SHANK2: variants seen among roughly 807,000 people sequenced by gnomAD.
SHANK2 encodes the protein SH3 and multiple ankyrin repeat domains 2.
Under a neutral mutation model 133.7 loss-of-function variants are expected in SHANK2, and 43 were observed. The ratio of observed to expected loss-of-function variants is 0.32; its 90% CI spans 0.25 to 0.41. SHANK2 has a LOEUF of 0.41. Among genes scored for constraint, SHANK2 ranks in the 10% least tolerant of loss-of-function variants. SHANK2 has a pLI of 1.00. For synonymous variants in SHANK2, 1,017 were observed against 952.8 expected, an observed-to-expected ratio of 1.07 and a Z score of -1.24; for missense variants, 1,994 against 2,235.8, an observed-to-expected ratio of 0.89 and a Z score of 2.18.
intron 17 of SHANK2, among the ~76,000 whole-genome samples, chr11:70,518,082 G>C (rs1043291354): frequency 6.6e-6 from 1 of 152,180 alleles, no homozygotes; most frequent in Admixed American, 6.5e-5. Context: ...GAAGCCCAAT[G>C]TTACATGACA....
At position 71,118,870 on chromosome 11, in the gene SHANK2, C is replaced by G; in HGVS notation, c.370G>C (p.Glu124Gln). 6.4e-7 allele frequency: 1 copy of G among 1,551,628 alleles called. No homozygotes were observed. Among genetic ancestry groups the G allele is most frequent in the Non-Finnish European group, 8.7e-7 (1 of 1,146,938 alleles). ...KFLDEERLLREYPQPVGEGVP... is the reference protein window; with the variant it reads ...KFLDEERLLRQYPQPVGEGVP... ...CCCTCACCCACGGGCTGTGGGTACTCGCGCAGGAGCCGCTCCTCATCCAGG... is the reference window on the plus strand; with the variant it reads ...CCCTCACCCACGGGCTGTGGGTACTGGCGCAGGAGCCGCTCCTCATCCAGG... The change falls in exon 4 of 26, where the codon GAG becomes CAG. Residue 124 changes from glutamate (E) to glutamine (Q), a missense_variant. Physicochemically the swap from Glu to Gln is conservative, Grantham distance 29. Around this residue, in one of 5 missense-constraint regions of SHANK2, gnomAD observed 653 missense variants for 563.4 expected, o/e 1.16. Transcript: ENST00000601538.
intron 2 of SHANK2, among the ~76,000 whole-genome samples, chr11:71,156,854 G>C (rs1434914904): frequency 3.3e-5 from 5 of 152,194 alleles, no homozygotes; most frequent in African/African-American, 1.2e-4. Flanking sequence ...AACAGGAAGA[G>C]AAGCTATGGT....
chr11:70,741,548 C>T (rs1555034778), intron 14 of SHANK2, among the ~76,000 whole-genome samples: 1 of 152,166 alleles, frequency 6.6e-6, no homozygotes, highest in African/African-American at 2.4e-5. Context: ...CAGGTACCTT[C>T]CCCCACTTTC....
At chr11:70,546,547 C>G (rs2059699116) in intron 17 of SHANK2, among the ~76,000 whole-genome samples, 2 of 152,188 alleles carry the variant, frequency 1.3e-5, no homozygotes, top group South Asian at 4.1e-4. Context: ...AGTCCAGACA[C>G]CTTGCCTCAT....
At chr11:70,850,752 G>A (rs1822871) in intron 11 of SHANK2, among the ~76,000 whole-genome samples, 4,927 of 152,242 alleles carry the variant, frequency 0.032, 236 homozygotes, top group African/African-American at 0.11. Flanking sequence ...GACTGCTGGC[G>A]AATGGGGAGA....
At chr11:70,698,549 A>G (rs1400700579) in intron 15 of SHANK2, 139 bp downstream of exon 15, 1 of 671,902 alleles carries the variant, frequency 1.5e-6, no homozygotes, top group Non-Finnish European at 2.7e-6. Context: ...GGTGGCTTCC[A>G]TAGTCCTAGC....
At chr11:71,231,751 T>C (rs1954744959) in intron 1 of SHANK2, among the ~76,000 whole-genome samples, 2 of 152,142 alleles carry the variant, frequency 1.3e-5, no homozygotes, top group African/African-American at 4.8e-5. Context: ...TAGCTGGGCA[T>C]GGTGGCATGT....
intron 21 of SHANK2, chr11:70,495,832 CG>C: frequency 5.0e-6 from 1 of 200,024 alleles, no homozygotes; most frequent in South Asian, 5.8e-5. Flanking sequence ...TGGGGGCAGC[CG>C]CAGAATCCAG....
intron 17 of SHANK2, among the ~76,000 whole-genome samples, chr11:70,509,951 G>A (rs1591520668): frequency 1.3e-5 from 2 of 152,146 alleles, no homozygotes; most frequent in South Asian, 4.2e-4. Context: ...CAGCCCAAAC[G>A]GACTAAGAAC....
chr11:70,919,804 T>C (rs969741226), intron 10 of SHANK2, among the ~76,000 whole-genome samples: 10 of 152,238 alleles, frequency 6.6e-5, no homozygotes, highest in African/African-American at 2.4e-4. Context: ...TTCTATGAGT[T>C]CAACTTGTTA....
chr11:70,859,130 C>T (rs578164720), intron 11 of SHANK2, among the ~76,000 whole-genome samples: 2 of 151,680 alleles, frequency 1.3e-5, no homozygotes, highest in African/African-American at 4.8e-5. Flanking sequence ...ATGGATAGGT[C>T]GGTGGATGAA....
At chr11:70,481,880 T>C (rs782465222) in intron 25 of SHANK2, among the ~76,000 whole-genome samples, 3 of 152,216 alleles carry the variant, frequency 2.0e-5, no homozygotes, top group Non-Finnish European at 4.4e-5. Flanking sequence ...AAAGGAGACA[T>C]GCTGAGAGAT....
At chr11:70,858,723 G>A (rs1949208698) in intron 11 of SHANK2, among the ~76,000 whole-genome samples, 2 of 152,222 alleles carry the variant, frequency 1.3e-5, no homozygotes, top group Non-Finnish European at 2.9e-5. Context: ...TAGAACATGA[G>A]GCTCAAGGGA....
intron 2 of SHANK2, among the ~76,000 whole-genome samples, chr11:71,219,553 A>C (rs576034242): frequency 6.6e-6 from 1 of 152,226 alleles, no homozygotes; most frequent in South Asian, 2.1e-4. Flanking sequence ...ATGAAATACC[A>C]CATCAACACC....
At chr11:71,190,816 G>A (rs957730095) in intron 2 of SHANK2, among the ~76,000 whole-genome samples, 1 of 152,136 alleles carries the variant, frequency 6.6e-6, no homozygotes, top group African/African-American at 2.4e-5. Flanking sequence ...TTTCTGTCTC[G>A]GCCTCACTTT....
intron 10 of SHANK2, among the ~76,000 whole-genome samples, chr11:70,953,213 G>A (rs1347205017): frequency 6.6e-6 from 1 of 152,068 alleles, no homozygotes; most frequent in Non-Finnish European, 1.5e-5. Context: ...CCATGGGGGT[G>A]GATCCCTCAT....
intron 17 of SHANK2, among the ~76,000 whole-genome samples, chr11:70,516,415 T>A (rs2059267009): frequency 6.6e-6 from 1 of 152,212 alleles, no homozygotes; most frequent in Non-Finnish European, 1.5e-5. Flanking sequence ...GACATCCACA[T>A]GCAAAAATGA....
intron 17 of SHANK2, 38 bp downstream of exon 17, chr11:70,659,790 C>T (rs1555012713): frequency 1.9e-6 from 3 of 1,613,902 alleles, no homozygotes; most frequent in African/African-American, 1.3e-5. Flanking sequence ...AGTCGGCGCT[C>T]TCCCCAAGCA....
chr11:71,236,476 G>A (rs1474452790), intron 1 of SHANK2, among the ~76,000 whole-genome samples: 3 of 152,152 alleles, frequency 2.0e-5, no homozygotes, highest in Non-Finnish European at 4.4e-5. Context: ...GCCATGTGTG[G>A]TGGCATGCAC....
Sources: allele counts gnomAD v4.1 joint callset (sites outside exome capture counted in the v4.1 genomes callset), GRCh38; gene constraint gnomAD v4.1.1; regional missense constraint gnomAD v4.1.1; transcripts MANE v1.5; gene names NCBI Gene and HGNC (gene_info 2026-07-23, HGNC 2026-07-21).